Variants in GRM7 observed in about 807,000 individuals in gnomAD.
GRM7 encodes metabotropic glutamate receptor 7.
GRM7 carries 35 observed loss-of-function variants against 84.5 expected under a neutral mutation model. That is an observed-to-expected ratio of 0.41 (90% CI 0.32 to 0.55). The LOEUF (loss-of-function observed/expected upper bound fraction) is 0.55. Ranked by LOEUF, GRM7 falls within the 20% of genes least tolerant of loss-of-function variation. The probability of loss-of-function intolerance (pLI) is 0.19; values close to 1 mark genes in which losing one functional copy is unlikely to be tolerated. For synonymous variants in GRM7, 487 were observed against 455.1 expected (o/e 1.07, Z -0.89); for missense variants, 1,003 against 1,194.6 (o/e 0.84, Z 2.36).
At chr3:7,121,845 G>T (rs1693234727) in intron 1 of GRM7, among the ~76,000 whole-genome samples, 1 of 152,160 alleles carries the variant, frequency 6.6e-6, no homozygotes, top group African/African-American at 2.4e-5. Flanking sequence ...ATTGCAAGGT[G>T]GGGCCTCAAA....
chr3:7,288,414 A>T (rs991803947), intron 2 of GRM7, among the ~76,000 whole-genome samples: 1 of 152,116 alleles, frequency 6.6e-6, no homozygotes, highest in East Asian at 1.9e-4. Flanking sequence ...GAAGGAAATC[A>T]TATCAGAATT....
chr3:7,460,050 G>A (rs1698176727), intron 6 of GRM7, among the ~76,000 whole-genome samples: 1 of 128,290 alleles, frequency 7.8e-6, no homozygotes, highest in Non-Finnish European at 1.6e-5. Flanking sequence ...ATTCAAATGA[G>A]AGTTATGACA....
At chr3:7,109,319 T>C (rs1042303752) in intron 1 of GRM7, among the ~76,000 whole-genome samples, 1 of 152,098 alleles carries the variant, frequency 6.6e-6, no homozygotes, top group Non-Finnish European at 1.5e-5. Context: ...GCCAAAAGAT[T>C]AGTCTTTGTT....
intron 2 of GRM7, among the ~76,000 whole-genome samples, chr3:7,237,823 T>C (rs929928634): frequency 2.6e-5 from 4 of 152,210 alleles, no homozygotes; most frequent in African/African-American, 7.2e-5. Flanking sequence ...TGGTCCATTT[T>C]GCAGCGTAAC....
At chr3:7,029,126 A>T (rs1338025121) in intron 1 of GRM7, among the ~76,000 whole-genome samples, 1 of 152,170 alleles carries the variant, frequency 6.6e-6, no homozygotes, top group Admixed American at 6.5e-5. Flanking sequence ...TAACATGGTG[A>T]AACCCTGTCT....
At chr3:7,621,663 GTT>G (rs1398406482) in intron 8 of GRM7, among the ~76,000 whole-genome samples, 1 of 152,038 alleles carries the variant, frequency 6.6e-6, no homozygotes, top group South Asian at 2.1e-4. Flanking sequence ...AAAGGGACAT[GTT>G]TTTTTGTTGC....
chr3:7,193,661 C>T (rs1695787915), intron 2 of GRM7, among the ~76,000 whole-genome samples: 1 of 139,730 alleles, frequency 7.2e-6, no homozygotes, highest in Admixed American at 7.1e-5. Flanking sequence ...CTGTATTTCT[C>T]TTTCCTCTCT....
At chr3:7,204,867 G>A (rs986421594) in intron 2 of GRM7, among the ~76,000 whole-genome samples, 1 of 152,184 alleles carries the variant, frequency 6.6e-6, no homozygotes, top group Non-Finnish European at 1.5e-5. Flanking sequence ...TGAAATTTAT[G>A]TTTTAGGTCA....
intron 1 of GRM7, among the ~76,000 whole-genome samples, chr3:6,943,874 T>G (rs1281383546): frequency 6.6e-6 from 1 of 152,118 alleles, no homozygotes; most frequent in African/African-American, 2.4e-5. Context: ...GTTTGTTCAT[T>G]AAGTGTACGG....
chr3:7,391,681 A>G (rs912630734), intron 4 of GRM7, among the ~76,000 whole-genome samples: 1 of 152,182 alleles, frequency 6.6e-6, no homozygotes, highest in African/African-American at 2.4e-5. Flanking sequence ...CACATTGTGC[A>G]CATGTACCCT....
chr3:7,015,910 A>T (rs1001353711), intron 1 of GRM7, among the ~76,000 whole-genome samples: 1 of 152,212 alleles, frequency 6.6e-6, no homozygotes, highest in Non-Finnish European at 1.5e-5. Flanking sequence ...ATTAGAAATG[A>T]GTCACTAATT....
chr3:7,407,271 T>G (rs1310591208), intron 4 of GRM7, among the ~76,000 whole-genome samples: 1 of 152,178 alleles, frequency 6.6e-6, no homozygotes, highest in Non-Finnish European at 1.5e-5. Context: ...GGCCTCCAGG[T>G]AGATGCCTCT....
chr3:7,071,771 T>C (rs914350370), intron 1 of GRM7, among the ~76,000 whole-genome samples: 1 of 152,160 alleles, frequency 6.6e-6, no homozygotes, highest in African/African-American at 2.4e-5. Context: ...TATCAATCAA[T>C]ATTTTTAAAA....
chr3:7,051,747 G>T (rs1040848948), intron 1 of GRM7, among the ~76,000 whole-genome samples: 4 of 151,702 alleles, frequency 2.6e-5, no homozygotes, highest in African/African-American at 9.7e-5. Flanking sequence ...AAGTGCAAAA[G>T]ATGTCTTGTA....
chr3:6,942,062 A>C (rs1338442202), intron 1 of GRM7, among the ~76,000 whole-genome samples: 1 of 152,186 alleles, frequency 6.6e-6, no homozygotes, highest in Non-Finnish European at 1.5e-5. Flanking sequence ...TCCAAGTGTT[A>C]ATCACTTTTA....
chr3:7,406,912 G>A (rs990361716), intron 4 of GRM7, among the ~76,000 whole-genome samples: 1 of 152,134 alleles, frequency 6.6e-6, no homozygotes, highest in African/African-American at 2.4e-5. Context: ...GCACAATTTA[G>A]TGTGACAATT....
chr3:7,702,338 T>A (rs893283176), intron 9 of GRM7, among the ~76,000 whole-genome samples: 1 of 152,222 alleles, frequency 6.6e-6, no homozygotes, highest in Non-Finnish European at 1.5e-5. Context: ...GATGCCCATG[T>A]TGCTGGTCTT....
chr3:7,350,080 C>G (rs571868634), intron 4 of GRM7, among the ~76,000 whole-genome samples: 1 of 152,206 alleles, frequency 6.6e-6, no homozygotes, highest in Non-Finnish European at 1.5e-5. Context: ...TTGACCCTTG[C>G]GTAAGTACCT....
chr3:7,258,692 G>A (rs569994250), intron 2 of GRM7, among the ~76,000 whole-genome samples: 2 of 152,222 alleles, frequency 1.3e-5, no homozygotes, highest in Admixed American at 1.3e-4. Context: ...TGGGCCAGAA[G>A]TTTATGCCTT....
Sources: allele counts gnomAD v4.1 joint callset (sites outside exome capture counted in the v4.1 genomes callset), GRCh38; gene constraint gnomAD v4.1.1; transcripts MANE v1.5; gene names NCBI Gene and HGNC (gene_info 2026-07-23, HGNC 2026-07-21).